CMTM7: variants seen among roughly 807,000 people sequenced by gnomAD.
CMTM7 encodes CKLF-like MARVEL transmembrane domain-containing protein 7.
Under a neutral mutation model 19.3 loss-of-function variants are expected in CMTM7, and 7 were observed. The ratio of observed to expected loss-of-function variants is 0.36; its 90% CI spans 0.21 to 0.68. The LOEUF is 0.68. Ranked by LOEUF, CMTM7 falls within the 30% of genes least tolerant of loss-of-function variation. The probability of loss-of-function intolerance (pLI) is 0.60; values close to 1 mark genes in which losing one functional copy is unlikely to be tolerated. For synonymous variants in CMTM7, 87 were observed against 99.3 expected (o/e 0.88, Z 0.74); for missense variants, 193 against 232.6 (o/e 0.83, Z 1.11).
At chr3:32,404,202 C>T (rs1696057499) in intron 1 of CMTM7, among the ~76,000 whole-genome samples, 1 of 130,800 alleles carries the variant, frequency 7.6e-6, no homozygotes, top group East Asian at 2.1e-4. Context: ...ACTCTGTTGC[C>T]TAGACTGGAG....
chr3:32,412,113 G>C (rs792678), intron 1 of CMTM7, among the ~76,000 whole-genome samples: 64,020 of 152,058 alleles, frequency 0.42, 13,745 homozygotes, highest in South Asian at 0.48. Flanking sequence ...GCCAACATCC[G>C]CACCATAGCT....
At chr3:32,443,116 A>G (rs1304034763) in intron 2 of CMTM7, among the ~76,000 whole-genome samples, 1 of 151,848 alleles carries the variant, frequency 6.6e-6, no homozygotes, top group African/African-American at 2.4e-5. Flanking sequence ...TTTTCTTTTT[A>G]GAGACAGGGT....
chr3:32,402,763 A>G (rs1462087279), intron 1 of CMTM7, among the ~76,000 whole-genome samples: 1 of 151,862 alleles, frequency 6.6e-6, no homozygotes, highest in Non-Finnish European at 1.5e-5. Context: ...GACAGGTTTC[A>G]CCATGTGGCC....
intron 1 of CMTM7, among the ~76,000 whole-genome samples, chr3:32,402,424 ATAGT>A (rs1696024345): frequency 1.3e-5 from 2 of 151,312 alleles, no homozygotes; most frequent in South Asian, 2.1e-4. Flanking sequence ...TTTACTTTAG[ATAGT>A]TAGAAAGACC....
At chr3:32,452,534 G>A (rs1416185424) in intron 4 of CMTM7, 61 bp downstream of exon 4, 2 of 1,548,440 alleles carry the variant, frequency 1.3e-6, no homozygotes, top group Non-Finnish European at 8.9e-7. Flanking sequence ...GCTTGTTCTT[G>A]ACTTCAGCCA....
chr3:32,427,055 T>A (rs1424955856), intron 1 of CMTM7, among the ~76,000 whole-genome samples: 1 of 152,204 alleles, frequency 6.6e-6, no homozygotes, highest in Non-Finnish European at 1.5e-5. Context: ...GTGAAGAAAT[T>A]GAGACATGAT....
At chr3:32,442,101 G>T in intron 2 of CMTM7, 88 bp downstream of exon 2, 2 of 1,241,516 alleles carry the variant, frequency 1.6e-6, no homozygotes, top group Non-Finnish European at 1.2e-6. Flanking sequence ...TTTCCCGTCT[G>T]CCCATCTCAC....
At chr3:32,422,045 G>A (rs893660722) in intron 1 of CMTM7, among the ~76,000 whole-genome samples, 1 of 152,100 alleles carries the variant, frequency 6.6e-6, no homozygotes, top group Non-Finnish European at 1.5e-5. Flanking sequence ...ATGCTTTATT[G>A]CTCCTGTTTG....
chr3:32,419,122 A>T (rs952963248), intron 1 of CMTM7, among the ~76,000 whole-genome samples: 2 of 152,184 alleles, frequency 1.3e-5, no homozygotes, highest in Non-Finnish European at 2.9e-5. Flanking sequence ...TACCTAATAA[A>T]TATTTCCCTT....
intron 1 of CMTM7, among the ~76,000 whole-genome samples, chr3:32,405,767 A>T (rs899025664): frequency 6.6e-6 from 1 of 152,196 alleles, no homozygotes; most frequent in African/African-American, 2.4e-5. Context: ...TGAAAAATTA[A>T]ATAAACAAAT....
chr3:32,399,506 C>A (rs1266438680), intron 1 of CMTM7, among the ~76,000 whole-genome samples: 1 of 152,050 alleles, frequency 6.6e-6, no homozygotes, highest in Non-Finnish European at 1.5e-5. Context: ...CTCTAAGAGG[C>A]CTGGGCAATT....
At chr3:32,430,946 A>G (rs556415676) in intron 1 of CMTM7, among the ~76,000 whole-genome samples, 26 of 152,312 alleles carry the variant, frequency 1.7e-4, no homozygotes, top group African/African-American at 6.0e-4. Context: ...ATAAAATTGC[A>G]TTTGTTCATT....
At chr3:32,408,683 T>G (rs576328558) in intron 1 of CMTM7, among the ~76,000 whole-genome samples, 1 of 152,236 alleles carries the variant, frequency 6.6e-6, no homozygotes, top group South Asian at 2.1e-4. Context: ...TATCCCCAGA[T>G]TCCCCCAAAC....
intron 1 of CMTM7, among the ~76,000 whole-genome samples, chr3:32,441,042 C>T (rs1356217958): frequency 6.6e-6 from 1 of 152,206 alleles, no homozygotes; most frequent in East Asian, 1.9e-4. Flanking sequence ...ACCACATGCC[C>T]TGATGGTGAG....
At chr3:32,410,560 A>C (rs1425153027) in intron 1 of CMTM7, among the ~76,000 whole-genome samples, 1 of 152,204 alleles carries the variant, frequency 6.6e-6, no homozygotes, top group Admixed American at 6.5e-5. Context: ...TGCCAGGCCC[A>C]GAACAGGCCA....
chr3:32,441,332 C>T (rs962159645), intron 1 of CMTM7, among the ~76,000 whole-genome samples: 2 of 152,172 alleles, frequency 1.3e-5, no homozygotes, highest in Admixed American at 6.5e-5. Context: ...AGCGAGATCA[C>T]GTATGTCAGA....
intron 1 of CMTM7, among the ~76,000 whole-genome samples, chr3:32,422,831 T>TA (rs1696365313): frequency 6.6e-6 from 1 of 152,212 alleles, no homozygotes. Context: ...CCAGAACACT[T>TA]ACATTAGCCT....
intron 1 of CMTM7, among the ~76,000 whole-genome samples, chr3:32,423,428 T>C (rs1415643219): frequency 1.3e-5 from 2 of 152,192 alleles, no homozygotes; most frequent in African/African-American, 2.4e-5. Context: ...ATGATTCTTA[T>C]AAGCTGCTCA....
chr3:32,422,992 A>G (rs868565545), intron 1 of CMTM7, among the ~76,000 whole-genome samples: 2 of 152,250 alleles, frequency 1.3e-5, no homozygotes, highest in South Asian at 2.1e-4. Context: ...AAGTCCAGCC[A>G]TCATAACTGT....
Sources: allele counts gnomAD v4.1 joint callset (sites outside exome capture counted in the v4.1 genomes callset), GRCh38; gene constraint gnomAD v4.1.1; transcripts MANE v1.5; gene names NCBI Gene and HGNC (gene_info 2026-07-23, HGNC 2026-07-21).